The following CDH18 variants were observed in gnomAD, a reference collection of about 807,000 sequenced individuals.
CDH18 encodes the protein cadherin-18.
Under a neutral mutation model 67.9 loss-of-function variants are expected in CDH18, and 31 were observed. That is an observed-to-expected ratio of 0.46 (90% CI 0.34 to 0.62). The LOEUF is 0.62. Among genes scored for constraint, CDH18 ranks in the 20% least tolerant of loss-of-function variants. The probability of loss-of-function intolerance (pLI) is 0.01; values close to 1 mark genes in which losing one functional copy is unlikely to be tolerated. For synonymous variants in CDH18, 362 were observed against 347.2 expected (o/e 1.04, Z -0.48); for missense variants, 890 against 975.5 (o/e 0.91, Z 1.17).
intron 3 of CDH18, among the ~76,000 whole-genome samples, chr5:19,822,889 G>A (rs1023057188): frequency 1.3e-5 from 2 of 152,136 alleles, no homozygotes; most frequent in African/African-American, 2.4e-5. Flanking sequence ...AGTGCTATGG[G>A]AGACTGGGGC....
At chr5:19,511,212 G>A (rs192270595) in intron 10 of CDH18, among the ~76,000 whole-genome samples, 30 of 152,152 alleles carry the variant, frequency 2.0e-4, no homozygotes, top group Non-Finnish European at 2.1e-4. Flanking sequence ...GCTTTCCCCC[G>A]TGATTGTAAG....
intron 5 of CDH18, among the ~76,000 whole-genome samples, chr5:19,652,697 C>G (rs796553041): frequency 2.6e-5 from 4 of 152,152 alleles, no homozygotes; most frequent in African/African-American, 9.6e-5. Flanking sequence ...AACAACTGAA[C>G]TCTGAATTCT....
At position 20,260,731 on chromosome 5, in the gene CDH18, T is replaced by TA. The variant is rs1209736059; in HGVS notation, c.-579-5227dup. 2.6e-5 allele frequency among the ~76,000 whole-genome samples: 4 copies of TA among 152,292 alleles called. No individual in the cohort carries two copies. The East Asian group carries it at 7.7e-4, about 29-fold the overall frequency. ...TATGTTACATTATAAGACTCCACCA[T>TA]AGCAGGCTGATTCTCCTGCTGACTT... On this transcript the variant is annotated intron_variant, in intron 1 of 14. Coordinates refer to the CDH18 transcript ENST00000507958.
chr5:20,434,465 T>G (rs183421790), intron 1 of CDH18, among the ~76,000 whole-genome samples: 1 of 151,958 alleles, frequency 6.6e-6, no homozygotes, highest in African/African-American at 2.4e-5. Context: ...GAGACTTCAA[T>G]AGCAAATTGA....
At chr5:20,551,069 A>C (rs1215560190) in intron 1 of CDH18, among the ~76,000 whole-genome samples, 4 of 152,218 alleles carry the variant, frequency 2.6e-5, no homozygotes, top group Non-Finnish European at 5.9e-5. Context: ...AGAAATTCAA[A>C]CTAATAGATG....
intron 11 of CDH18, among the ~76,000 whole-genome samples, chr5:19,490,394 GTTTTTT>G (rs70950073): frequency 0.013 from 806 of 60,080 alleles, 44 homozygotes; most frequent in African/African-American, 0.026. Context: ...ATAAAAATCT[GTTTTTT>G]TTTTTTTTTT....
intron 1 of CDH18, among the ~76,000 whole-genome samples, chr5:20,431,165 A>G (rs1370038519): frequency 1.3e-5 from 2 of 152,128 alleles, no homozygotes; most frequent in Non-Finnish European, 2.9e-5. Context: ...AGCACACTGG[A>G]GAAACAATTC....
rs1351361955 is a variant in CDH18 at position 20,095,444 on chromosome 5, A to AAAG, written c.-517-103431_-517-103430insCTT. ...GAAAGAAAGAAAGAAAGAAAGAAAG[A>AAAG]AAAGAAAGAAAGAAAGAAGAAAGAA... On this transcript the variant is annotated intron_variant, in intron 2 of 14. Coordinates refer to the CDH18 transcript ENST00000507958. 1.9e-3 allele frequency among the ~76,000 whole-genome samples: 159 copies of AAAG among 81,824 alleles called. 2 individuals carry two copies. The highest frequency in any genetic ancestry group is 4.6e-3 in the African/African-American group (99 of 21,708). 53.7% of individuals were successfully genotyped at this position (81,824 alleles called of 152,430 possible). A position where few individuals can be genotyped will look rare whatever the true frequency, so the allele number is the denominator to read the frequency against.
chr5:20,486,474 T>C (rs1271972354), intron 1 of CDH18, among the ~76,000 whole-genome samples: 5 of 152,020 alleles, frequency 3.3e-5, no homozygotes, highest in African/African-American at 4.8e-5. Flanking sequence ...GTGATGATCA[T>C]CTTTATGATT....
chr5:19,968,783 G>A (rs1174824320), intron 2 of CDH18, among the ~76,000 whole-genome samples: 3 of 144,446 alleles, frequency 2.1e-5, no homozygotes, highest in Non-Finnish European at 1.5e-5. Context: ...ATAGGCATGG[G>A]CAAGGACTTC....
At chr5:19,889,363 T>G (rs1416809914) in intron 2 of CDH18, among the ~76,000 whole-genome samples, 1 of 152,098 alleles carries the variant, frequency 6.6e-6, no homozygotes, top group African/African-American at 2.4e-5. Context: ...TCCTATAAAA[T>G]TTTTGAAATT....
chr5:19,822,919 C>G (rs1483618822), intron 3 of CDH18, among the ~76,000 whole-genome samples: 1 of 152,084 alleles, frequency 6.6e-6, no homozygotes, highest in Non-Finnish European at 1.5e-5. Flanking sequence ...CCCTACAGCT[C>G]GACCATAAAA....
At position 20,469,235 on chromosome 5, in the gene CDH18, C is replaced by T. The variant is rs751828327; in HGVS notation, c.-580+106227G>A. Among the ~76,000 whole-genome samples, 15 of 152,162 alleles carry T rather than the reference C, an allele frequency of 9.9e-5. No homozygotes were observed. In the East Asian group the frequency reaches 1.7e-3, roughly 18 times the overall value. ...CATAGCGAACAATCCATAAATATCA[C>T]AAGTCATTGGCACTACTGCTCCGGA... On this transcript the variant is annotated intron_variant, in intron 1 of 14. Transcript: ENST00000507958.
At chr5:19,485,379 C>T (rs1287348333) in intron 11 of CDH18, among the ~76,000 whole-genome samples, 2 of 152,046 alleles carry the variant, frequency 1.3e-5, no homozygotes, top group East Asian at 3.9e-4. Context: ...CCTCAGCCTC[C>T]AGAGTAGCTG....
intron 2 of CDH18, among the ~76,000 whole-genome samples, chr5:19,994,397 T>C (rs1460600535): frequency 1.3e-5 from 2 of 151,318 alleles, no homozygotes; most frequent in East Asian, 2.0e-4. Flanking sequence ...TAATAAGTAA[T>C]GTTGTTAATA....
Position 20,376,091 on chromosome 5 carries a change from A to ATTTTTTTTTT in CDH18, c.-579-120596_-579-120587dup, listed in dbSNP as rs562655039. Among the ~76,000 whole-genome samples the ATTTTTTTTTT allele has an allele frequency of 3.8e-3, 188 of 49,750 alleles. 59 individuals carry two copies. Among genetic ancestry groups the ATTTTTTTTTT allele is most frequent in the East Asian group, 0.011 (17 of 1,518 alleles). 32.6% of individuals were successfully genotyped at this position (49,750 alleles called of 152,430 possible). A position where few individuals can be genotyped will look rare whatever the true frequency, so the allele number is the denominator to read the frequency against. On this transcript the variant is annotated intron_variant, in intron 1 of 14. Transcript: ENST00000507958. The stretch of plus-strand genomic sequence containing the variant: ...ACAGTAAGCAATTTAAAAAGAAACA[A>ATTTTTTTTTT]TTTTTTTTTTTTTTTTTTTTGAGAC...
chr5:19,575,737 G>A (rs935518797), intron 7 of CDH18, among the ~76,000 whole-genome samples: 11 of 152,158 alleles, frequency 7.2e-5, no homozygotes, highest in African/African-American at 2.7e-4. Context: ...TGTAACAACA[G>A]AAATTACCTT....
chr5:19,760,752 G>A (rs1211555415), intron 3 of CDH18, among the ~76,000 whole-genome samples: 1 of 152,250 alleles, frequency 6.6e-6, no homozygotes, highest in African/African-American at 2.4e-5. Context: ...GGCCTGCCGG[G>A]ACTTTAGTTA....
At chr5:20,482,938 C>G (rs1752916140) in intron 1 of CDH18, among the ~76,000 whole-genome samples, 1 of 151,824 alleles carries the variant, frequency 6.6e-6, no homozygotes, top group African/African-American at 2.4e-5. Context: ...CTAGAGAAAT[C>G]AGACAAGAGA....
Sources: gnomAD v4.1 joint callset for allele counts (sites outside exome capture counted in the v4.1 genomes callset) on GRCh38, gnomAD v4.1.1 for gene constraint, MANE v1.5 for transcripts, NCBI Gene and HGNC (gene_info 2026-07-23, HGNC 2026-07-21) for gene names.